The following STARD9 variants were observed in gnomAD, a reference collection of about 807,000 sequenced individuals.
The protein encoded by STARD9 is stAR-related lipid transfer protein 9.
Under a neutral mutation model 399.8 loss-of-function variants are expected in STARD9, and 346 were observed. The ratio of observed to expected loss-of-function variants is 0.87; its 90% confidence interval spans 0.79 to 0.95. The LOEUF is 0.95. Ranked by LOEUF, STARD9 falls within the 40% of genes least tolerant of loss-of-function variation. The probability of loss-of-function intolerance (pLI) is 0.00; values close to 1 mark genes in which losing one functional copy is unlikely to be tolerated. For synonymous variants in STARD9, 2,203 were observed against 2,143.5 expected (o/e 1.03, Z -0.77); for missense variants, 5,832 against 5,667.5 (o/e 1.03, Z -0.93).
In STARD9 at chr15:42,693,312, G is replaced by A; in HGVS notation, c.11734G>A (p.Gly3912Ser). The change falls in exon 23 of 33, where the codon GGT becomes AGT. Residue 3912 changes from glycine to serine, a missense_variant. This residue lies in a region of STARD9 where 5,828 missense variants were observed against 5,651.1 expected (regional missense o/e 1.03). Coordinates refer to ENST00000290607, the MANE Select transcript of STARD9 (RefSeq NM_020759.3). ...LTLSASTQEPGLSPGSLTLSA... is the reference protein window; with the variant it reads ...LTLSASTQEPSLSPGSLTLSA... ...TCTTAGTGCCAGCACCCAAGAGCCG[G>A]GTCTTTCCCCAGGCTCTTTGACCCT... 1 of 1,536,996 alleles carries A rather than the reference G, an allele frequency of 6.5e-7. No individual in the cohort carries two copies. Among genetic ancestry groups the A allele is most frequent in the Non-Finnish European group, 8.7e-7 (1 of 1,146,876 alleles).
chr15:42,702,847 T>C (rs529594499), intron 26 of STARD9, among the ~76,000 whole-genome samples: 4 of 152,346 alleles, frequency 2.6e-5, no homozygotes, highest in South Asian at 4.1e-4. Context: ...GCACTTTGAC[T>C]GTCATCCCAC....
intron 7 of STARD9, among the ~76,000 whole-genome samples, chr15:42,649,935 C>T (rs1417974432): frequency 1.4e-5 from 2 of 143,046 alleles, no homozygotes; most frequent in African/African-American, 5.3e-5. Context: ...GGCGCGATCT[C>T]GACTCTCCAC....
chr15:42,719,008 C>G, intron 32 of STARD9, 98 bp downstream of exon 32: 1 of 1,169,872 alleles, frequency 8.5e-7, no homozygotes, highest in South Asian at 1.5e-5. Flanking sequence ...CCTCCAGTGC[C>G]CAGGCCCTTT....
chr15:42,691,139 G>T lies in STARD9; in HGVS notation c.9561G>T (p.Leu3187Phe). 2.0e-6 allele frequency: 3 copies of T among 1,537,236 alleles called. No homozygotes were observed. The highest frequency in any genetic ancestry group is 2.6e-6 in the Non-Finnish European group (3 of 1,146,904). ...FSTELRDHNR[L>F]DSQAKFVARL... ...CTGAGTTGAGGGATCACAATCGCTT[G>T]GATTCCCAAGCCAAGTTTGTAGCAA... The change falls in exon 23 of 33, where the codon TTG becomes TTT. Residue 3187 changes from leucine to phenylalanine, a missense_variant. Transcript: ENST00000290607.
chr15:42,623,892 A>G (rs1162393320), intron 3 of STARD9, among the ~76,000 whole-genome samples: 1 of 152,258 alleles, frequency 6.6e-6, no homozygotes, highest in African/African-American at 2.4e-5. Flanking sequence ...GCAATTTATC[A>G]GGGATAGTAT....
chr15:42,702,453 C>T (rs940765435), intron 26 of STARD9, among the ~76,000 whole-genome samples: 6 of 152,156 alleles, frequency 3.9e-5, no homozygotes, highest in African/African-American at 1.2e-4. Context: ...CTGCCCACCT[C>T]GGCCTCCCAA....
At chr15:42,636,801 C>T (rs923889789) in intron 4 of STARD9, among the ~76,000 whole-genome samples, 1 of 152,042 alleles carries the variant, frequency 6.6e-6, no homozygotes, top group South Asian at 2.1e-4. Context: ...CATGTTGGCT[C>T]ACACCTATAA....
intron 3 of STARD9, among the ~76,000 whole-genome samples, chr15:42,634,409 C>G (rs2059383426): frequency 6.6e-6 from 1 of 152,152 alleles, no homozygotes; most frequent in Non-Finnish European, 1.5e-5. Flanking sequence ...GAAAACACCT[C>G]CCTAACTTCT....
chr15:42,633,804 G>A (rs1185230644), intron 3 of STARD9, among the ~76,000 whole-genome samples: 2 of 151,924 alleles, frequency 1.3e-5, no homozygotes, highest in African/African-American at 4.8e-5. Context: ...CACCATGCCT[G>A]GGTAATTTTT....
intron 9 of STARD9, among the ~76,000 whole-genome samples, chr15:42,658,882 G>A (rs2059933575): frequency 6.6e-6 from 1 of 152,202 alleles, no homozygotes; most frequent in South Asian, 2.1e-4. Flanking sequence ...GGAGGCCAAG[G>A]TGGGTGGATC....
At chr15:42,618,113 A>G (rs2059011050) in intron 3 of STARD9, among the ~76,000 whole-genome samples, 1 of 150,612 alleles carries the variant, frequency 6.6e-6, no homozygotes, top group Non-Finnish European at 1.5e-5. Flanking sequence ...TTTATTATGT[A>G]TTTCTTTAGT....
intron 20 of STARD9, among the ~76,000 whole-genome samples, chr15:42,677,906 G>A (rs866586390): frequency 6.6e-6 from 1 of 152,158 alleles, no homozygotes; most frequent in Admixed American, 6.5e-5. Context: ...GTACATCATG[G>A]TGTTGTGCTC....
chr15:42,646,203 T>A (rs1356165519), intron 7 of STARD9, among the ~76,000 whole-genome samples: 1 of 151,938 alleles, frequency 6.6e-6, no homozygotes, highest in African/African-American at 2.4e-5. Context: ...ATAATAATAA[T>A]AAAATAAAGT....
At chr15:42,589,545 A>G (rs1359034225) in intron 3 of STARD9, among the ~76,000 whole-genome samples, 1 of 152,060 alleles carries the variant, frequency 6.6e-6, no homozygotes, top group Non-Finnish European at 1.5e-5. Flanking sequence ...AAATGGAATC[A>G]AACAGTATGT....
rs1308482150 is a variant in STARD9, at chr15:42,685,004, T to C, written c.3426T>C (p.Asp1142=). The C allele has an allele frequency of 5.9e-6, 9 of 1,537,014 alleles. No individual in the cohort carries two copies. The highest frequency in any genetic ancestry group is 7.0e-6 in the Non-Finnish European group (8 of 1,146,944). ...CAGAGCCAGAGAACTCTGAAAGTGA[T>C]GACAGCCAACTATCTGAGGACTCAC... ...DFPEPENSES[D]DSQLSEDSLA... The change falls in exon 23 of 33, where the codon GAT becomes GAC. Residue 1142 remains aspartate (D), a synonymous_variant. Coordinates refer to ENST00000290607, the MANE Select transcript of STARD9 (RefSeq NM_020759.3).
At chr15:42,636,957 G>A (rs1022404594) in intron 4 of STARD9, among the ~76,000 whole-genome samples, 1 of 151,712 alleles carries the variant, frequency 6.6e-6, no homozygotes, top group Admixed American at 6.6e-5. Context: ...CCATCTACTT[G>A]GGAAGCTGAG....
chr15:42,579,477 CAGATA>C (rs1305845691), intron 1 of STARD9, among the ~76,000 whole-genome samples: 4 of 152,266 alleles, frequency 2.6e-5, no homozygotes, highest in African/African-American at 9.6e-5. Flanking sequence ...GGTCACTTCT[CAGATA>C]AGAGGAGTGA....
In STARD9 at chr15:42,695,261, C is replaced by T. The variant is rs775121548; in HGVS notation, c.13084C>T (p.Arg4362Trp). The change falls in exon 25 of 33, where the codon CGG becomes TGG. Residue 4362 changes from arginine (R) to tryptophan (W), a missense_variant. By Grantham distance (101) the Arg-to-Trp change is moderately radical. Transcript: ENST00000290607. The part of the protein sequence containing the change: ...VEIARARDQL[R>W]ERTEQEKLRI... ...GATTGCCCGGGCCCGAGACCAACTG[C>T]GGGAGCGGACTGAACAAGAGAAGCT... 3.8e-5 allele frequency: 58 copies of T among 1,536,984 alleles called. No individual in the cohort carries two copies. Among genetic ancestry groups the T allele is most frequent in the Middle Eastern group, 1.7e-4 (1 of 6,010 alleles).
rs1318440449 is a variant in STARD9 at position 42,694,648 on chromosome 15, C to A, written c.12885C>A (p.Phe4295Leu). The change falls in exon 24 of 33, where the codon TTC (phenylalanine) becomes TTA (leucine). Residue 4295 changes from phenylalanine (F) to leucine (L), a missense_variant. Coordinates refer to ENST00000290607, the MANE Select transcript of STARD9 (RefSeq NM_020759.3). Reference sequence around the variant, plus strand: ...GCCTCCTGCCCAACAAAGATCTCTTCATCTGGGATCTTGACTTGCCCAGCA... The same window carrying A: ...GCCTCCTGCCCAACAAAGATCTCTTAATCTGGGATCTTGACTTGCCCAGCA... ...QLSLLPNKDL[F>L]IWDLDLPSRR... 5 of 1,537,136 alleles carry A rather than the reference C, an allele frequency of 3.3e-6. No individual in the cohort carries two copies. Among genetic ancestry groups the A allele is most frequent in the Non-Finnish European group, 4.4e-6 (5 of 1,146,846 alleles).
Sources: allele counts gnomAD v4.1 joint callset (sites outside exome capture counted in the v4.1 genomes callset), GRCh38; gene constraint gnomAD v4.1.1; regional missense constraint gnomAD v4.1.1; transcripts MANE v1.5; gene names NCBI Gene and HGNC (gene_info 2026-07-23, HGNC 2026-07-21).